Variants in TRPC4 observed in about 807,000 individuals in gnomAD.
TRPC4 encodes the protein short transient receptor potential channel 4.
TRPC4 carries 49 observed loss-of-function variants against 99.4 expected under a neutral mutation model. That is an observed-to-expected ratio of 0.49 (90% CI 0.39 to 0.63). The LOEUF (loss-of-function observed/expected upper bound fraction) is 0.63. Ranked by LOEUF, TRPC4 falls within the 20% of genes least tolerant of loss-of-function variation. The pLI, the probability that TRPC4 is intolerant of heterozygous loss-of-function variation, is 0.00. For missense variants in TRPC4, 898 were observed against 1,152.9 expected (o/e 0.78, Z 3.20); for synonymous variants, 454 against 425.9 (o/e 1.07, Z -0.81).
chr13:37,853,498 G>C (rs1424794661), intron 1 of TRPC4, among the ~76,000 whole-genome samples: 1 of 152,124 alleles, frequency 6.6e-6, no homozygotes, highest in African/African-American at 2.4e-5. Flanking sequence ...ACACCTAACT[G>C]TTCAATGGTC....
chr13:37,813,480 CTT>C (rs1320482577), intron 1 of TRPC4, among the ~76,000 whole-genome samples: 1 of 151,320 alleles, frequency 6.6e-6, no homozygotes, highest in African/African-American at 2.4e-5. Context: ...ACTGATGAAA[CTT>C]TAGCTAAACA....
In TRPC4 at chr13:37,636,323, G is replaced by A. The variant is rs576717406; in HGVS notation, c.*580C>T. ...CTGGAACAACCTAAAACACTACAAA[G>A]TTTTTCTGAATTTGAGGGAGTTTAG... On this transcript the variant is annotated 3_prime_UTR_variant, in exon 11 of 11. Coordinates refer to ENST00000379705, the MANE Select transcript of TRPC4 (RefSeq NM_016179.4). 6.6e-6 allele frequency among the ~76,000 whole-genome samples: 1 copy of A among 152,120 alleles called. No homozygotes were observed. Among genetic ancestry groups the A allele is most frequent in the East Asian group, 1.9e-4 (1 of 5,164 alleles).
chr13:37,687,096 C>T (rs377600017), intron 4 of TRPC4, among the ~76,000 whole-genome samples: 14 of 152,044 alleles, frequency 9.2e-5, no homozygotes, highest in Non-Finnish European at 1.8e-4. Context: ...TCCCGAGTAG[C>T]TGGGACTACA....
At chr13:37,667,434 G>A (rs1440006953) in intron 5 of TRPC4, among the ~76,000 whole-genome samples, 1 of 152,138 alleles carries the variant, frequency 6.6e-6, no homozygotes, top group Non-Finnish European at 1.5e-5. Flanking sequence ...AGCCTCCTGA[G>A]TAGCTGGGAT....
At chr13:37,710,537 T>C (rs1954450008) in intron 3 of TRPC4, among the ~76,000 whole-genome samples, 1 of 151,920 alleles carries the variant, frequency 6.6e-6, no homozygotes. Flanking sequence ...TGAATGCATT[T>C]TGTAAGTTTG....
chr13:37,685,204 A>C (rs1953422159), intron 4 of TRPC4, among the ~76,000 whole-genome samples: 1 of 152,198 alleles, frequency 6.6e-6, no homozygotes, highest in African/African-American at 2.4e-5. Flanking sequence ...TAAGCCGGCA[A>C]ATAGAAGCGA....
chr13:37,783,001 A>C lies in TRPC4; in HGVS notation c.333T>G (p.Ala111=). Residue 111 remains alanine, a synonymous_variant, in exon 2 of 11, where the codon GCT becomes GCG. Transcript: ENST00000379705. ...TTTTGTGGTTCAATAACAGCTCAAC[A>C]GCTCCGACGACTTCTTTTCTGATAG... ...LHAIRKEVVG[A]VELLLNHKKP... 2.5e-6 allele frequency: 4 copies of C among 1,601,202 alleles called. No individual in the cohort carries two copies. The highest frequency in any genetic ancestry group is 3.4e-6 in the Non-Finnish European group (4 of 1,173,834).
At chr13:37,725,615 CA>C (rs1566123569) in intron 3 of TRPC4, among the ~76,000 whole-genome samples, 1 of 151,822 alleles carries the variant, frequency 6.6e-6, no homozygotes, top group Admixed American at 6.6e-5. Context: ...AAAAAAGAAA[CA>C]AAAAAGAAAT....
At chr13:37,831,547 C>T (rs2139595214) in intron 1 of TRPC4, among the ~76,000 whole-genome samples, 1 of 152,162 alleles carries the variant, frequency 6.6e-6, no homozygotes, top group East Asian at 1.9e-4. Context: ...CTCAAAGGAA[C>T]TGAAATCAGT....
intron 3 of TRPC4, among the ~76,000 whole-genome samples, chr13:37,745,445 T>TACGC (rs1955713935): frequency 3.7e-4 from 1 of 2,690 alleles, no homozygotes; most frequent in Non-Finnish European, 1.5e-3. Context: ...CGTATATATA[T>TACGC]ATATATATAT....
chr13:37,842,677 T>G lies in TRPC4; in HGVS notation c.-28+26918A>C, dbSNP rs553004170. Among the ~76,000 whole-genome samples, 11 of 152,292 alleles carry G rather than the reference T, an allele frequency of 7.2e-5. No individual in the cohort carries two copies. The South Asian group carries it at 2.3e-3, about 32-fold the overall frequency. On this transcript the variant is annotated intron_variant, in intron 1 of 10. Transcript: ENST00000379705. ...AGCAGGTAGCTCTCTAGGGAACTTTTGTAATGGCACTAATCACATAAGGGT... is the reference window on the plus strand; with the variant it reads ...AGCAGGTAGCTCTCTAGGGAACTTTGGTAATGGCACTAATCACATAAGGGT...
chr13:37,752,850 C>T (rs1286605958), intron 2 of TRPC4, among the ~76,000 whole-genome samples: 1 of 151,996 alleles, frequency 6.6e-6, no homozygotes, highest in Non-Finnish European at 1.5e-5. Context: ...AATCAAGTCA[C>T]TTTAATGGCT....
At chr13:37,660,788 G>A (rs1477235422) in intron 6 of TRPC4, among the ~76,000 whole-genome samples, 1 of 152,088 alleles carries the variant, frequency 6.6e-6, no homozygotes, top group Non-Finnish European at 1.5e-5. Flanking sequence ...AAAAGAGCCT[G>A]AATTTATGAA....
At chr13:37,702,949 T>C (rs57290927) in intron 3 of TRPC4, among the ~76,000 whole-genome samples, 2 of 152,190 alleles carry the variant, frequency 1.3e-5, no homozygotes, top group African/African-American at 4.8e-5. Context: ...CTAGTGAAGA[T>C]AGGGCTTTTT....
In TRPC4 at chr13:37,836,022, G is replaced by A. The variant is rs1487582871; in HGVS notation, c.-28+33573C>T. Among the ~76,000 whole-genome samples the A allele has an allele frequency of 5.7e-5, 5 of 87,700 alleles. No individual in the cohort carries two copies. The South Asian group carries it at 1.6e-3, about 28-fold the overall frequency. 57.5% of individuals were successfully genotyped at this position (87,700 alleles called of 152,430 possible). A position where few individuals can be genotyped will look rare whatever the true frequency, so the allele number is the denominator to read the frequency against. ...CATGGGGGCAAGTCTTTCCCATGCT[G>A]TTCTCATGATAGTGAATAAGTCTCA... On this transcript the variant is annotated intron_variant, in intron 1 of 10. Transcript: ENST00000379705.
intron 1 of TRPC4, among the ~76,000 whole-genome samples, chr13:37,784,058 C>A (rs529904361): frequency 1.3e-5 from 2 of 151,966 alleles, no homozygotes; most frequent in South Asian, 4.2e-4. Flanking sequence ...TGTAAATTAA[C>A]AACATTAATG....
intron 3 of TRPC4, among the ~76,000 whole-genome samples, chr13:37,729,731 A>G (rs900975006): frequency 2.6e-5 from 4 of 152,130 alleles, no homozygotes; most frequent in East Asian, 1.9e-4. Flanking sequence ...AAATAAGCCA[A>G]TCAGACAAAG....
At chr13:37,745,474 A>ATATATG (rs1566138420) in intron 3 of TRPC4, among the ~76,000 whole-genome samples, 6 of 2,116 alleles carry the variant, frequency 2.8e-3, no homozygotes, top group Non-Finnish European at 3.6e-3. Flanking sequence ...ATATATATAT[A>ATATATG]CACACACACA....
chr13:37,713,391 G>A (rs1286988326), intron 3 of TRPC4, among the ~76,000 whole-genome samples: 1 of 152,128 alleles, frequency 6.6e-6, no homozygotes, highest in Non-Finnish European at 1.5e-5. Flanking sequence ...TCTAAAGATT[G>A]CCTGAAATAA....
Sources: allele counts gnomAD v4.1 joint callset (sites outside exome capture counted in the v4.1 genomes callset), GRCh38; gene constraint gnomAD v4.1.1; transcripts MANE v1.5; gene names NCBI Gene and HGNC (gene_info 2026-07-23, HGNC 2026-07-21).